The following CSMD3 variants were observed in gnomAD, a reference collection of about 807,000 sequenced individuals.
The protein encoded by CSMD3 is CUB and Sushi multiple domains 3, also known as CUB and sushi domain-containing protein 3.
Under a neutral mutation model 435.2 loss-of-function variants are expected in CSMD3, and 177 were observed. The observed-to-expected ratio is 0.41, with a 90% CI of 0.36 to 0.46. The LOEUF is 0.46. Among genes scored for constraint, CSMD3 ranks in the 20% least tolerant of loss-of-function variants. The pLI, the probability that CSMD3 is intolerant of heterozygous loss-of-function variation, is 0.34. For synonymous variants in CSMD3, 1,656 were observed against 1,520.5 expected (o/e 1.09, Z -2.07); for missense variants, 4,265 against 4,504.6 (o/e 0.95, Z 1.52).
intron 60 of CSMD3, among the ~76,000 whole-genome samples, chr8:112,264,658 CAAG>C (rs1203085056): frequency 3.9e-5 from 6 of 151,978 alleles, no homozygotes; most frequent in African/African-American, 1.4e-4. Flanking sequence ...GCTTAATAAT[CAAG>C]AAGGAAAGAC....
chr8:112,518,590 G>A (rs189525326), intron 27 of CSMD3, among the ~76,000 whole-genome samples: 2 of 150,850 alleles, frequency 1.3e-5, no homozygotes, highest in Admixed American at 1.3e-4. Flanking sequence ...TATGGATAGA[G>A]ATCTTTTATA....
intron 5 of CSMD3, among the ~76,000 whole-genome samples, chr8:113,025,391 C>CT (rs1413713705): frequency 3.9e-5 from 6 of 152,150 alleles, no homozygotes; most frequent in Non-Finnish European, 5.9e-5. Context: ...TCAGCAATGT[C>CT]TGAGTGTGTC....
intron 31 of CSMD3, among the ~76,000 whole-genome samples, chr8:112,480,543 C>T (rs945904178): frequency 6.6e-6 from 1 of 152,004 alleles, no homozygotes; most frequent in African/African-American, 2.4e-5. Flanking sequence ...GGGGAAAATC[C>T]CTCATGAATG....
At chr8:113,322,961 G>A (rs945439330) in intron 1 of CSMD3, among the ~76,000 whole-genome samples, 7 of 152,046 alleles carry the variant, frequency 4.6e-5, no homozygotes, top group Middle Eastern at 3.2e-3. Flanking sequence ...GGCCAGGCTG[G>A]TCTCAAACTC....
At chr8:112,986,992 G>C (rs986601696) in intron 6 of CSMD3, among the ~76,000 whole-genome samples, 3 of 151,986 alleles carry the variant, frequency 2.0e-5, no homozygotes, top group Non-Finnish European at 1.5e-5. Flanking sequence ...CTATATATCT[G>C]TGTGTATATA....
intron 59 of CSMD3, among the ~76,000 whole-genome samples, chr8:112,280,473 T>C (rs544842865): frequency 2.5e-3 from 379 of 151,970 alleles, no homozygotes; most frequent in African/African-American, 8.7e-3. Context: ...GTTTTTGCCA[T>C]GTTTCCCAGG....
At chr8:112,538,327 T>C (rs1826334956) in intron 27 of CSMD3, among the ~76,000 whole-genome samples, 1 of 152,018 alleles carries the variant, frequency 6.6e-6, no homozygotes, top group Non-Finnish European at 1.5e-5. Flanking sequence ...CTTTTATTCA[T>C]CATAGTACTA....
At chr8:112,589,105 C>A (rs1830965514) in intron 22 of CSMD3, among the ~76,000 whole-genome samples, 2 of 152,144 alleles carry the variant, frequency 1.3e-5, no homozygotes, top group Non-Finnish European at 2.9e-5. Context: ...TAAACTGACA[C>A]AATATTTTTC....
chr8:112,523,190 G>A (rs1824483108), intron 27 of CSMD3, among the ~76,000 whole-genome samples: 1 of 151,892 alleles, frequency 6.6e-6, no homozygotes, highest in Non-Finnish European at 1.5e-5. Context: ...GATATCAGAA[G>A]CAGGAGACTT....
At chr8:113,296,708 A>C (rs912875405) in intron 2 of CSMD3, among the ~76,000 whole-genome samples, 5 of 152,188 alleles carry the variant, frequency 3.3e-5, no homozygotes, top group Non-Finnish European at 5.9e-5. Flanking sequence ...GATATAGAGA[A>C]TACCAAAAAG....
intron 1 of CSMD3, among the ~76,000 whole-genome samples, chr8:113,337,498 A>G (rs1385917294): frequency 6.6e-6 from 1 of 152,180 alleles, no homozygotes; most frequent in Non-Finnish European, 1.5e-5. Flanking sequence ...AAAAAGGACA[A>G]CAGAACAAAT....
intron 10 of CSMD3, among the ~76,000 whole-genome samples, chr8:112,914,583 A>G (rs1036405151): frequency 5.9e-5 from 9 of 151,418 alleles, no homozygotes; most frequent in Non-Finnish European, 2.9e-5. Context: ...GATTCATATC[A>G]AGCAGAAGAC....
rs185349073 is a variant in CSMD3, at chr8:113,199,987, G to C, written c.515-26071C>G. Among the ~76,000 whole-genome samples the C allele has an allele frequency of 3.6e-4, 54 of 151,900 alleles. No individual in the cohort carries two copies. In the Middle Eastern group the frequency reaches 0.014, roughly 38 times the overall value. On this transcript the variant is annotated intron_variant, in intron 3 of 70. Transcript: ENST00000297405. ...CTGATAACTCTCACAATTATCTCCA[G>C]TCCAAATCTCCTCTGTGCTTCAGAT...
intron 7 of CSMD3, among the ~76,000 whole-genome samples, chr8:112,973,267 GT>G (rs953694749): frequency 6.6e-6 from 1 of 151,806 alleles, no homozygotes; most frequent in African/African-American, 2.4e-5. Context: ...AGAGGAATAA[GT>G]TTTTTTCTGA....
At chr8:112,269,726 A>G (rs1017860454) in intron 59 of CSMD3, among the ~76,000 whole-genome samples, 1 of 152,214 alleles carries the variant, frequency 6.6e-6, no homozygotes, top group Non-Finnish European at 1.5e-5. Context: ...TACTTATTAT[A>G]TCTTCTCTCT....
At chr8:112,247,931 T>C (rs1451865632) in intron 63 of CSMD3, among the ~76,000 whole-genome samples, 6 of 152,132 alleles carry the variant, frequency 3.9e-5, no homozygotes, top group Non-Finnish European at 8.8e-5. Flanking sequence ...TTACAATATA[T>C]ATCATTTGCT....
intron 5 of CSMD3, 129 bp downstream of exon 5, chr8:113,098,627 C>G (rs536864629): frequency 1.5e-6 from 1 of 679,080 alleles, no homozygotes; most frequent in African/African-American, 1.8e-5. Context: ...CTCTGACAAC[C>G]TCTTCACATA....
chr8:112,750,336 T>C (rs1335024153), intron 13 of CSMD3, among the ~76,000 whole-genome samples: 1 of 151,708 alleles, frequency 6.6e-6, no homozygotes, highest in Non-Finnish European at 1.5e-5. Context: ...TATAATTTAA[T>C]AATTTTATTA....
chr8:112,867,692 AG>A (rs1440215642), intron 10 of CSMD3, among the ~76,000 whole-genome samples: 1 of 152,132 alleles, frequency 6.6e-6, no homozygotes, highest in Non-Finnish European at 1.5e-5. Flanking sequence ...AACAAAGAAA[AG>A]GTAAAAATAT....
Sources: allele counts gnomAD v4.1 joint callset (sites outside exome capture counted in the v4.1 genomes callset), GRCh38; gene constraint gnomAD v4.1.1; transcripts MANE v1.5; gene names NCBI Gene and HGNC (gene_info 2026-07-23, HGNC 2026-07-21).